SIGLEC1: variants seen among roughly 807,000 people sequenced by gnomAD.
SIGLEC1 encodes sialic acid binding Ig like lectin 1.
Under a neutral mutation model 148.0 loss-of-function variants are expected in SIGLEC1, and 132 were observed. The observed-to-expected ratio is 0.89, with a 90% CI of 0.77 to 1.03. The LOEUF is 1.03. Ranked by LOEUF, SIGLEC1 falls within the 50% of genes least tolerant of loss-of-function variation. The pLI is 0.00. For synonymous variants in SIGLEC1, 945 were observed against 969.0 expected (o/e 0.98, Z 0.46); for missense variants, 2,253 against 2,271.4 (o/e 0.99, Z 0.16).
At chr20:3,693,363 C>T (rs1416947843) in intron 14 of SIGLEC1, 84 bp downstream of exon 14, 1 of 1,445,480 alleles carries the variant, frequency 6.9e-7, no homozygotes. Context: ...CCCCACTGGA[C>T]ACCTGTCGGG....
intron 3 of SIGLEC1, 91 bp from the exon 4 acceptor site, chr20:3,706,131 G>T: frequency 7.0e-7 from 1 of 1,421,818 alleles, no homozygotes; most frequent in Non-Finnish European, 9.6e-7. Context: ...AGAGCCCTGG[G>T]GAGGGGGCTT....
chr20:3,691,530 G>A lies in SIGLEC1; in HGVS notation c.4401C>T (p.Leu1467=), dbSNP rs371570984. 5.0e-5 allele frequency: 80 copies of A among 1,613,132 alleles called. No individual in the cohort carries two copies. The highest frequency in any genetic ancestry group is 6.6e-5 in the Non-Finnish European group (78 of 1,180,006). ...TGCCCACAGGCCCAGGGCCACCCAG[G>A]AGGCGGCAGCTGAGGTTCAGGGCAG... is the stretch of plus-strand genomic sequence containing the variant. ...EGAALNLSCR[L]LGGPGPVGNS... is the part of the protein sequence containing the mutation. The change falls in exon 18 of 22, where the codon CTC becomes CTT. Residue 1467 remains leucine (L), a synonymous_variant. Coordinates refer to ENST00000344754, the MANE Select transcript of SIGLEC1 (RefSeq NM_023068.4).
chr20:3,696,041 G>T (rs376881594), intron 11 of SIGLEC1, among the ~76,000 whole-genome samples: 1 of 151,324 alleles, frequency 6.6e-6, no homozygotes, highest in African/African-American at 2.4e-5. Flanking sequence ...CAAGTGATCC[G>T]CCCGCCTCAG....
chr20:3,700,697 CTTTTTTTTT>C (rs71195856), intron 7 of SIGLEC1, among the ~76,000 whole-genome samples: 15 of 119,884 alleles, frequency 1.3e-4, no homozygotes, highest in East Asian at 2.5e-4. Context: ...TTTTCTTTTT[CTTTTTTTTT>C]TTTTTTTTTT....
chr20:3,703,804 G>A (rs765831723), intron 5 of SIGLEC1, 21 bp downstream of exon 5: 6 of 1,612,986 alleles, frequency 3.7e-6, no homozygotes, highest in Admixed American at 3.3e-5. Context: ...TGGCCAATAC[G>A]CAACCTTCCC....
intron 8 of SIGLEC1, among the ~76,000 whole-genome samples, chr20:3,698,858 C>T (rs1179572228): frequency 6.6e-6 from 1 of 152,190 alleles, no homozygotes; most frequent in Non-Finnish European, 1.5e-5. Flanking sequence ...TCTATGGGAG[C>T]CCAGCACAGC....
At chr20:3,704,248 C>A (rs568965736) in intron 4 of SIGLEC1, among the ~76,000 whole-genome samples, 157 bp from the exon 5 acceptor site, 1 of 152,290 alleles carries the variant, frequency 6.6e-6, no homozygotes, top group East Asian at 1.9e-4. Flanking sequence ...GCTCTGTCTG[C>A]CCATGTCCGT....
chr20:3,706,695 A>C lies in SIGLEC1; in HGVS notation c.61T>G (p.Trp21Gly). ...ACGTCCTGGGGACTGGAGACGCCCC[A>C]TGAGGCCTGGCCTGGGGGAAGAACG... ...ASFFPAGQAS[W>G]GVSSPQDVQG... Residue 21 changes from tryptophan (W) to glycine (G), a missense_variant, in exon 3 of 22, where the codon TGG (tryptophan) becomes GGG (glycine). Physicochemically the swap from Trp to Gly is radical, Grantham distance 184. Transcript: ENST00000344754. The C allele has an allele frequency of 6.5e-6, 10 of 1,545,144 alleles. No individual in the cohort carries two copies. Among genetic ancestry groups the C allele is most frequent in the Non-Finnish European group, 8.8e-6 (10 of 1,141,908 alleles).
At chr20:3,689,805 C>T (rs2146516943) in intron 19 of SIGLEC1, 103 bp from the exon 20 acceptor site, 2 of 1,227,684 alleles carry the variant, frequency 1.6e-6, no homozygotes, top group Non-Finnish European at 2.3e-6. Flanking sequence ...TTTGCTTTAT[C>T]GCTGAAGCTC....
chr20:3,689,579 C>G lies in SIGLEC1; in HGVS notation c.4997+21G>C, dbSNP rs758890852. 3.3e-6 allele frequency: 5 copies of G among 1,527,894 alleles called. No homozygotes were observed. In the South Asian group the frequency reaches 6.0e-5, roughly 18 times the overall value. 94.6% of individuals were successfully genotyped at this position (1,527,894 alleles called of 1,614,324 possible). On this transcript the variant is annotated intron_variant, in intron 20 of 21. Coordinates refer to ENST00000344754, the MANE Select transcript of SIGLEC1 (RefSeq NM_023068.4). The stretch of plus-strand genomic sequence containing the variant: ...GCTGCCTTACCCCAATCTTCTGGCC[C>G]ACTCCCAGCTCCAGACCCACCTCCA...
rs376370629 is a variant in SIGLEC1, at chr20:3,688,498, T to A, written c.*62A>T. On this transcript the variant is annotated 3_prime_UTR_variant, in exon 22 of 22. Coordinates refer to ENST00000344754, the MANE Select transcript of SIGLEC1 (RefSeq NM_023068.4). ...CTCAACACTGCCTCATTCACATTCA[T>A]AGGCTGGAGTCATCACAGATTCTGG... 2.2e-6 allele frequency: 3 copies of A among 1,351,354 alleles called. No individual in the cohort carries two copies. In the East Asian group the frequency reaches 7.5e-5, roughly 34 times the overall value. 83.7% of individuals were successfully genotyped at this position (1,351,354 alleles called of 1,614,324 possible). A position where few individuals can be genotyped will look rare whatever the true frequency, so the allele number is the denominator to read the frequency against.
rs1320225136 is a variant in SIGLEC1, at chr20:3,688,106, A to C, written c.*454T>G. 1 of 189,828 alleles carries C rather than the reference A, an allele frequency of 5.3e-6. No individual in the cohort carries two copies. 11.8% of individuals were successfully genotyped at this position (189,828 alleles called of 1,614,324 possible). ...CAGACTAGCGTGGGAGAGAAAAATAAAATTCTATCATGTTGAAGTCACTGT... is the reference window on the plus strand; with the variant it reads ...CAGACTAGCGTGGGAGAGAAAAATACAATTCTATCATGTTGAAGTCACTGT... On this transcript the variant is annotated 3_prime_UTR_variant, in exon 22 of 22. Transcript: ENST00000344754.
rs2087850348 is a variant in SIGLEC1 at position 3,701,419 on chromosome 20, G to C, written c.1451C>G (p.Thr484Ser). Residue 484 changes from threonine (T) to serine (S), a missense_variant, in exon 7 of 22, where the codon ACT (threonine) becomes AGT (serine). Coordinates refer to ENST00000344754, the MANE Select transcript of SIGLEC1 (RefSeq NM_023068.4). ...TGAGCACTTGTACTCCCCACTGTCA[G>C]TTTCCTCCAGGTCTCGGATCTCCAG... ...LRLEIRDLEE[T>S]DSGEYKCSAT... The C allele has an allele frequency of 1.2e-6, 2 of 1,614,172 alleles. No homozygotes were observed. Among genetic ancestry groups the C allele is most frequent in the Non-Finnish European group, 1.7e-6 (2 of 1,180,028 alleles).
Position 3,689,191 on chromosome 20 carries a change from A to T in SIGLEC1, c.5034T>A (p.Asn1678Lys), listed in dbSNP as rs370375205. 6.2e-7 allele frequency: 1 copy of T among 1,614,148 alleles called. No homozygotes were observed. Among genetic ancestry groups the T allele is most frequent in the African/African-American group, 1.3e-5 (1 of 75,038 alleles). ...CTTTCTGAAAAGCCATCTCCACCGA[A>T]TTCTCGCCCATGCTCTGCTTACAAA... The part of the protein sequence containing the change: ...RRVCKQSMGE[N>K]SVEMAFQKET... The change falls in exon 21 of 22, where the codon AAT becomes AAA. Residue 1678 changes from asparagine (N) to lysine (K), a missense_variant. Physicochemically the swap from Asn to Lys is moderately conservative, Grantham distance 94. Coordinates refer to ENST00000344754, the MANE Select transcript of SIGLEC1 (RefSeq NM_023068.4).
Position 3,699,332 on chromosome 20 carries a change from A to G in SIGLEC1, c.1656T>C (p.Leu552=). ...GGAGGCTGCTGCCGGGACCCTCGTG[A>G]AGCAGGGCTCCATTCAGGTACCAGG... The part of the protein sequence containing the change: ...RFSWYLNGAL[L]HEGPGSSLLL... Residue 552 remains leucine, a synonymous_variant, in exon 8 of 22, where the codon CTT becomes CTC. Transcript: ENST00000344754. 6.2e-7 allele frequency: 1 copy of G among 1,609,060 alleles called. No individual in the cohort carries two copies. The highest frequency in any genetic ancestry group is 8.5e-7 in the Non-Finnish European group (1 of 1,178,526).
At position 3,705,869 on chromosome 20, in the gene SIGLEC1, G is replaced by A. The variant is rs753112007; in HGVS notation, c.581C>T (p.Thr194Ile). Residue 194 changes from threonine (T) to isoleucine (I), a missense_variant, in exon 4 of 22, where the codon ACC (threonine) becomes ATC (isoleucine). Thr to Ile is a moderately conservative substitution (Grantham distance 89). Coordinates refer to ENST00000344754, the MANE Select transcript of SIGLEC1 (RefSeq NM_023068.4). ...VTFNSQKFEP[T>I]GVGHLETLHM... ...GAGGGTCTCCAGGTGGCCGACGCCG[G>A]TGGGCTCAAACTTCTGGCTGTTGAA... The A allele has an allele frequency of 1.2e-6, 2 of 1,614,180 alleles. No individual in the cohort carries two copies. Among genetic ancestry groups the A allele is most frequent in the Non-Finnish European group, 1.7e-6 (2 of 1,180,050 alleles).
Position 3,701,343 on chromosome 20 carries a change from A to G in SIGLEC1, c.1527T>C (p.Asn509=). ...NATSTLDFHA[N]AARLLISPAA... is the part of the protein sequence containing the mutation. The stretch of plus-strand genomic sequence containing the variant: ...CCTGGCTGCCAGTGCCCATCTTACC[A>G]TTGGCATGGAAGTCCAGGGTGGAGG... Residue 509 remains asparagine (N), a splice_region_variant and synonymous_variant, in exon 7 of 22, where the codon AAT becomes AAC. Transcript: ENST00000344754. 6.2e-7 allele frequency: 1 copy of G among 1,605,276 alleles called. No individual in the cohort carries two copies. The highest frequency in any genetic ancestry group is 8.5e-7 in the Non-Finnish European group (1 of 1,174,646).
chr20:3,712,072 T>C (rs2146535284), intron 1 of SIGLEC1, among the ~76,000 whole-genome samples: 1 of 151,650 alleles, frequency 6.6e-6, no homozygotes, highest in East Asian at 1.9e-4. Flanking sequence ...TGGGTTGAGA[T>C]GAGGATGATA....
rs2087829742 is a variant in SIGLEC1, at chr20:3,699,257, G to C, written c.1731C>G (p.Ala577=). 6.2e-7 allele frequency: 1 copy of C among 1,610,236 alleles called. No homozygotes were observed. Among genetic ancestry groups the C allele is most frequent in the African/African-American group, 1.3e-5 (1 of 75,022 alleles). The part of the protein sequence containing the change: ...STDAGSYHCR[A]RDGHSASGPS... ...GGCCACTGGCACTGTGGCCGTCCCG[G>C]GCCCGGCAGTGGTATGAGCCGGCGT... Residue 577 remains alanine, a synonymous_variant, in exon 8 of 22, where the codon GCC becomes GCG. Transcript: ENST00000344754.
Sources: allele counts gnomAD v4.1 joint callset (sites outside exome capture counted in the v4.1 genomes callset), GRCh38; gene constraint gnomAD v4.1.1; transcripts MANE v1.5; gene names NCBI Gene and HGNC (gene_info 2026-07-23, HGNC 2026-07-21).